Variants in MAPK10 observed in about 807,000 individuals in gnomAD.
The protein encoded by MAPK10 is JNK3 alpha protein kinase.
In MAPK10, 25 loss-of-function variants were observed where a neutral mutation model predicts 59.3. The observed-to-expected ratio is 0.42, with a 90% CI of 0.31 to 0.59. MAPK10 has a LOEUF of 0.59. Among genes scored for constraint, MAPK10 ranks in the 20% least tolerant of loss-of-function variants. The probability of loss-of-function intolerance (pLI) is 0.15; values close to 1 mark genes in which losing one functional copy is unlikely to be tolerated. For missense variants in MAPK10, 351 were observed against 568.9 expected, an observed-to-expected ratio of 0.62 and a Z score of 3.90; for synonymous variants, 190 against 200.5, an observed-to-expected ratio of 0.95 and a Z score of 0.44.
intron 2 of MAPK10, among the ~76,000 whole-genome samples, chr4:86,235,727 A>T: frequency 6.6e-6 from 1 of 152,172 alleles, no homozygotes; most frequent in East Asian, 1.9e-4. Flanking sequence ...ATGACAGCTG[A>T]ACAGAAAAGG....
chr4:86,144,011 C>T (rs557788864), intron 4 of MAPK10, among the ~76,000 whole-genome samples: 1 of 152,108 alleles, frequency 6.6e-6, no homozygotes, highest in Non-Finnish European at 1.5e-5. Flanking sequence ...TACTAAATTG[C>T]TAAATATTTT....
intron 2 of MAPK10, among the ~76,000 whole-genome samples, chr4:86,292,291 C>T (rs1260047994): frequency 1.3e-5 from 2 of 152,254 alleles, no homozygotes; most frequent in East Asian, 1.9e-4. Context: ...TATAATACTT[C>T]TCTCCATATC....
intron 2 of MAPK10, chr4:86,322,023 T>C (rs949087594): frequency 6.6e-6 from 1 of 151,974 alleles, no homozygotes; most frequent in African/African-American, 2.4e-5. Flanking sequence ...AATAGAAAAA[T>C]TGAGTTCTGT....
intron 1 of MAPK10, among the ~76,000 whole-genome samples, chr4:86,546,185 T>C (rs1021411495): frequency 4.6e-5 from 7 of 151,734 alleles, no homozygotes; most frequent in African/African-American, 1.5e-4. Context: ...ATGGCGCCAT[T>C]GCACTCCAGT....
intron 2 of MAPK10, among the ~76,000 whole-genome samples, chr4:86,209,697 C>T (rs1376798426): frequency 2.0e-5 from 3 of 151,982 alleles, no homozygotes; most frequent in Non-Finnish European, 4.4e-5. Context: ...TGTCTATACC[C>T]TACTCAAAGT....
intron 9 of MAPK10, among the ~76,000 whole-genome samples, chr4:86,097,962 C>T (rs1213892628): frequency 6.6e-6 from 1 of 152,084 alleles, no homozygotes; most frequent in East Asian, 1.9e-4. Flanking sequence ...ACTCACCTGA[C>T]CACTAGCAAC....
intron 1 of MAPK10, among the ~76,000 whole-genome samples, chr4:86,465,264 G>T (rs553232174): frequency 6.6e-6 from 1 of 152,196 alleles, no homozygotes; most frequent in Non-Finnish European, 1.5e-5. Context: ...GCAGTGTTTG[G>T]TGGTGATGGG....
chr4:86,031,987 C>CT (rs1340587675), intron 11 of MAPK10: 2 of 152,348 alleles, frequency 1.3e-5, no homozygotes, highest in African/African-American at 2.4e-5. Context: ...TTATATATTG[C>CT]TGTGTGCCCT....
At chr4:86,221,508 G>A (rs1429782678) in intron 2 of MAPK10, among the ~76,000 whole-genome samples, 7 of 151,688 alleles carry the variant, frequency 4.6e-5, no homozygotes, top group Admixed American at 4.6e-4. Context: ...AACAGGGTCT[G>A]GCTCTGTCTC....
At chr4:86,453,239 G>A (rs944313416), upstream of MAPK10, 4 of 152,370 alleles carry the variant, frequency 2.6e-5, no homozygotes, top group African/African-American at 9.6e-5. Context: ...TGATGGAGAA[G>A]TCTCTTGGCC....
At chr4:86,398,644 C>G (rs143989506) in intron 1 of MAPK10, among the ~76,000 whole-genome samples, 74 of 152,170 alleles carry the variant, frequency 4.9e-4, no homozygotes, top group Non-Finnish European at 5.7e-4. Flanking sequence ...GGTACATGTG[C>G]AGGTTTGTTA....
intron 2 of MAPK10, among the ~76,000 whole-genome samples, chr4:86,198,343 G>C (rs1043263089): frequency 7.9e-5 from 12 of 152,062 alleles, no homozygotes; most frequent in Non-Finnish European, 1.6e-4. Flanking sequence ...AACTGTGTGT[G>C]CTGAGGTCAC....
At chr4:86,397,236 T>C (rs1014501677) in intron 1 of MAPK10, among the ~76,000 whole-genome samples, 9 of 152,306 alleles carry the variant, frequency 5.9e-5, no homozygotes, top group African/African-American at 1.4e-4. Flanking sequence ...CCCTGTGTGG[T>C]TGGTCTAACT....
At chr4:86,490,667 CT>C (rs1323156444) in intron 1 of MAPK10, among the ~76,000 whole-genome samples, 1 of 152,204 alleles carries the variant, frequency 6.6e-6, no homozygotes, top group Non-Finnish European at 1.5e-5. Context: ...TGGTACCTTC[CT>C]TCTAATTCAC....
intron 6 of MAPK10, 25 bp from the exon 7 acceptor site, chr4:86,102,057 A>T: frequency 6.2e-7 from 1 of 1,610,988 alleles, no homozygotes; most frequent in South Asian, 1.1e-5. Context: ...CCACAGTGTT[A>T]GTTCCAGATC....
At chr4:86,091,306 G>A (rs780519945) in intron 9 of MAPK10, 1 of 151,296 alleles carries the variant, frequency 6.6e-6, no homozygotes, top group Non-Finnish European at 1.5e-5. Context: ...TTCCAGTGGA[G>A]GAATCTCACC....
rs183964581 is a variant in MAPK10, at chr4:86,270,500, C to T, written c.-6-76093G>A. On this transcript the variant is annotated intron_variant, in intron 2 of 13. Transcript: ENST00000641462. ...CAATCAAAATTTTAGTAAGGCAAAGCGCTATCATAGTCTAATGTAACTAGA... is the reference window on the plus strand; with the variant it reads ...CAATCAAAATTTTAGTAAGGCAAAGTGCTATCATAGTCTAATGTAACTAGA... Among the ~76,000 whole-genome samples, 7 of 151,880 alleles carry T rather than the reference C, an allele frequency of 4.6e-5. No homozygotes were observed. In the East Asian group the frequency reaches 9.7e-4, roughly 21 times the overall value.
intron 1 of MAPK10, among the ~76,000 whole-genome samples, chr4:86,359,263 C>CTCTCTCTCTCTCT (rs1554248207): frequency 6.4e-4 from 34 of 53,460 alleles, no homozygotes; most frequent in Admixed American, 1.2e-3. Context: ...TTTTTTTTTT[C>CTCTCTCTCTCTCT]CTCTCTCTCT....
chr4:86,090,991 C>T (rs1289681903), intron 9 of MAPK10: 1 of 152,034 alleles, frequency 6.6e-6, no homozygotes, highest in African/African-American at 2.4e-5. Flanking sequence ...TACTTTCCAA[C>T]TATGTGACCT....
Sources: gnomAD v4.1 joint callset for allele counts (sites outside exome capture counted in the v4.1 genomes callset) on GRCh38, gnomAD v4.1.1 for gene constraint, MANE v1.5 for transcripts, NCBI Gene and HGNC (gene_info 2026-07-23, HGNC 2026-07-21) for gene names.